FKBP5: variants seen among roughly 807,000 people sequenced by gnomAD.
FKBP5 encodes FKBP prolyl isomerase 5.
A neutral mutation model predicts 50.5 loss-of-function variants in FKBP5; 23 were observed. The observed-to-expected ratio is 0.46, with a 90% CI of 0.33 to 0.65. The LOEUF (loss-of-function observed/expected upper bound fraction) is 0.65. FKBP5 is among the 30% of genes least tolerant of loss of function. FKBP5 has a pLI of 0.02. For missense variants in FKBP5, 411 were observed against 553.1 expected (o/e 0.74, Z 2.58); for synonymous variants, 176 against 190.6 (o/e 0.92, Z 0.63).
At chr6:35,595,702 A>G (rs1561849617) in intron 6 of FKBP5, among the ~76,000 whole-genome samples, 1 of 152,078 alleles carries the variant, frequency 6.6e-6, no homozygotes, top group Non-Finnish European at 1.5e-5. Flanking sequence ...AGTGAGCGTG[A>G]CTGTGCCACT....
chr6:35,688,398 G>C (rs1208889450), intron 1 of FKBP5, among the ~76,000 whole-genome samples: 1 of 152,048 alleles, frequency 6.6e-6, no homozygotes, highest in Non-Finnish European at 1.5e-5. Context: ...GGGGAGAGCC[G>C]GGGGCCAGAG....
chr6:35,633,840 T>C (rs879757464), intron 3 of FKBP5, among the ~76,000 whole-genome samples: 6 of 152,122 alleles, frequency 3.9e-5, no homozygotes, highest in Non-Finnish European at 8.8e-5. Flanking sequence ...AGTGGCTTAC[T>C]CATGTTAACA....
At chr6:35,615,738 T>C (rs1444168366) in intron 5 of FKBP5, among the ~76,000 whole-genome samples, 1 of 152,154 alleles carries the variant, frequency 6.6e-6, no homozygotes, top group Non-Finnish European at 1.5e-5. Flanking sequence ...AAAATGAGTG[T>C]GTAAAGTTGT....
At chr6:35,590,515 A>G (rs1486716180) in intron 7 of FKBP5, among the ~76,000 whole-genome samples, 2 of 152,094 alleles carry the variant, frequency 1.3e-5, no homozygotes, top group South Asian at 2.1e-4. Flanking sequence ...TGAGATGGAA[A>G]TATGTTCAAG....
chr6:35,581,234 C>T (rs895049400), intron 8 of FKBP5: 1 of 885,152 alleles, frequency 1.1e-6, no homozygotes, highest in Non-Finnish European at 1.3e-6. Context: ...TCAGAAAGGT[C>T]TGTCAGTTAT....
chr6:35,712,045 A>C (rs1226091362), intron 2 of FKBP5, among the ~76,000 whole-genome samples: 3 of 149,714 alleles, frequency 2.0e-5, no homozygotes, highest in Admixed American at 1.3e-4. Flanking sequence ...GGCTAATTAA[A>C]AAAAAAAAAA....
At chr6:35,681,736 G>T (rs966624599) in intron 1 of FKBP5, among the ~76,000 whole-genome samples, 1 of 152,024 alleles carries the variant, frequency 6.6e-6, no homozygotes, top group South Asian at 2.1e-4. Flanking sequence ...GGGAAATAAG[G>T]CAGTATAGAT....
chr6:35,586,193 T>C (rs1762592344), intron 8 of FKBP5: 5 of 984,860 alleles, frequency 5.1e-6, no homozygotes, highest in Non-Finnish European at 6.0e-6. Flanking sequence ...AGAACACTGA[T>C]TAAAACAGAA....
At chr6:35,582,994 G>A (rs1762483511) in intron 8 of FKBP5, 1 of 862,270 alleles carries the variant, frequency 1.2e-6, no homozygotes, top group Non-Finnish European at 1.4e-6. Flanking sequence ...AGCTGAGGCA[G>A]GAGGATCTCT....
intron 2 of FKBP5, among the ~76,000 whole-genome samples, chr6:35,706,822 T>C (rs1367633526): frequency 6.6e-6 from 1 of 152,224 alleles, no homozygotes. Flanking sequence ...TGATCATCAG[T>C]AGCAGGGGAT....
intron 7 of FKBP5, 108 bp from the exon 8 acceptor site, chr6:35,587,225 C>A: frequency 1.0e-6 from 1 of 982,528 alleles, no homozygotes; most frequent in Non-Finnish European, 1.6e-6. Context: ...AAACTGAAAA[C>A]ACTCTGGCTG....
At chr6:35,641,057 C>T (rs980164820) in intron 2 of FKBP5, among the ~76,000 whole-genome samples, 1 of 152,194 alleles carries the variant, frequency 6.6e-6, no homozygotes, top group Non-Finnish European at 1.5e-5. Flanking sequence ...TAGTTCACTG[C>T]AGCTTGGAAC....
At chr6:35,689,309 C>G (rs1351061801), upstream of FKBP5, among the ~76,000 whole-genome samples, 1 of 152,136 alleles carries the variant, frequency 6.6e-6, no homozygotes, top group Admixed American at 6.5e-5. Flanking sequence ...CAGGGCCTAC[C>G]TAGAGGCCGG....
intron 1 of FKBP5, among the ~76,000 whole-genome samples, chr6:35,678,930 A>G (rs1007927682): frequency 1.3e-5 from 2 of 152,176 alleles, no homozygotes; most frequent in Non-Finnish European, 2.9e-5. Context: ...AAAAAACTTA[A>G]AAATTAGCTG....
At chr6:35,640,401 A>T (rs1010501600) in intron 2 of FKBP5, among the ~76,000 whole-genome samples, 3 of 152,220 alleles carry the variant, frequency 2.0e-5, no homozygotes, top group Non-Finnish European at 4.4e-5. Context: ...AAGAAAAAAA[A>T]TGGTACACCT....
chr6:35,634,257 T>C (rs1187453612), intron 3 of FKBP5, among the ~76,000 whole-genome samples: 1 of 152,116 alleles, frequency 6.6e-6, no homozygotes, highest in Non-Finnish European at 1.5e-5. Context: ...CAGTCACTCT[T>C]AGGTCACCTA....
chr6:35,704,692 A>T (rs892372069), intron 2 of FKBP5, among the ~76,000 whole-genome samples: 2 of 140,116 alleles, frequency 1.4e-5, no homozygotes, highest in Non-Finnish European at 3.0e-5. Context: ...ACTGTTTGCA[A>T]TCCCAATGAC....
intron 5 of FKBP5, among the ~76,000 whole-genome samples, chr6:35,611,175 G>A (rs1025980131): frequency 2.0e-5 from 3 of 152,104 alleles, no homozygotes; most frequent in African/African-American, 7.2e-5. Flanking sequence ...ACATATTCCA[G>A]AAATTCTCCA....
At chr6:35,576,669 G>C (rs1240033641) in intron 10 of FKBP5, among the ~76,000 whole-genome samples, 5 of 135,418 alleles carry the variant, frequency 3.7e-5, no homozygotes, top group African/African-American at 1.3e-4. Context: ...ACTCTGACTC[G>C]GGCAGGGGCC....
Sources: gnomAD v4.1 joint callset for allele counts (sites outside exome capture counted in the v4.1 genomes callset) on GRCh38, gnomAD v4.1.1 for gene constraint, MANE v1.5 for transcripts, NCBI Gene and HGNC (gene_info 2026-07-23, HGNC 2026-07-21) for gene names.